VAV3: variants seen among roughly 807,000 people sequenced by gnomAD.
VAV3 encodes guanine nucleotide exchange factor VAV3.
A neutral mutation model predicts 131.2 loss-of-function variants in VAV3; 94 were observed. That is an observed-to-expected ratio of 0.72 (90% confidence interval 0.61 to 0.85). The LOEUF (loss-of-function observed/expected upper bound fraction) is 0.85, where lower values mean the gene tolerates loss of function less well. Ranked by LOEUF, VAV3 falls within the 40% of genes least tolerant of loss-of-function variation. The pLI is 0.00. For synonymous variants in VAV3, 349 were observed against 342.0 expected (o/e 1.02, Z -0.22); for missense variants, 939 against 1,002.7 (o/e 0.94, Z 0.86).
intron 2 of VAV3, among the ~76,000 whole-genome samples, chr1:107,787,217 C>A (rs890395213): frequency 6.6e-6 from 1 of 152,200 alleles, no homozygotes. Context: ...ATTGCTCTTT[C>A]CACTTCACTA....
chr1:107,813,378 A>G (rs17485868), intron 2 of VAV3, among the ~76,000 whole-genome samples: 102,407 of 152,060 alleles, frequency 0.67, 35,000 homozygotes, highest in Non-Finnish European at 0.72. Context: ...CCTCTTAGCA[A>G]CAAAGGGATC....
intron 19 of VAV3, among the ~76,000 whole-genome samples, chr1:107,676,544 G>T (rs560531222): frequency 1.3e-5 from 2 of 152,210 alleles, no homozygotes; most frequent in East Asian, 3.9e-4. Flanking sequence ...GGAGTCCCTG[G>T]ATCCATCTCT....
Position 107,763,000 on chromosome 1 carries a change from T to C in VAV3, c.921+2076A>G, listed in dbSNP as rs143433097. The stretch of plus-strand genomic sequence containing the variant: ...ACCCCATGTTATCTTGGTTCCAAAG[T>C]AGAGAAGAAAAAGACAAAAAACTCA... On this transcript the variant is annotated intron_variant, in intron 9 of 26. Transcript: ENST00000370056. Among the ~76,000 whole-genome samples, 61 of 152,156 alleles carry C rather than the reference T, an allele frequency of 4.0e-4. No homozygotes were observed. In the East Asian group the frequency reaches 0.011, roughly 28 times the overall value.
At chr1:107,722,732 C>T (rs1051757620) in intron 15 of VAV3, among the ~76,000 whole-genome samples, 7 of 151,808 alleles carry the variant, frequency 4.6e-5, no homozygotes, top group Non-Finnish European at 7.4e-5. Flanking sequence ...AGCACCGAGG[C>T]GCTGTTTCAT....
intron 1 of VAV3, among the ~76,000 whole-genome samples, chr1:107,960,536 T>C (rs1675036242): frequency 6.6e-6 from 1 of 151,962 alleles, no homozygotes; most frequent in South Asian, 2.1e-4. Flanking sequence ...TCTGTTGACC[T>C]CTCATTTCAC....
chr1:107,833,657 G>A (rs980825765), intron 2 of VAV3, among the ~76,000 whole-genome samples: 1 of 151,948 alleles, frequency 6.6e-6, no homozygotes, highest in Admixed American at 6.5e-5. Context: ...GATGAGTTCT[G>A]AATATTCAGG....
intron 1 of VAV3, among the ~76,000 whole-genome samples, chr1:107,909,350 T>G (rs1473993844): frequency 6.6e-6 from 1 of 152,156 alleles, no homozygotes; most frequent in Non-Finnish European, 1.5e-5. Flanking sequence ...TAAAAAAATG[T>G]TATATGAGTA....
intron 15 of VAV3, among the ~76,000 whole-genome samples, chr1:107,747,727 T>G (rs1393217611): frequency 1.3e-5 from 2 of 152,196 alleles, no homozygotes; most frequent in African/African-American, 2.4e-5. Flanking sequence ...TGTGAGAGGT[T>G]AAATAACTTA....
At chr1:107,693,581 A>C (rs1294682902) in intron 17 of VAV3, among the ~76,000 whole-genome samples, 2 of 152,194 alleles carry the variant, frequency 1.3e-5, no homozygotes, top group Admixed American at 6.5e-5. Flanking sequence ...ACATCCAAAA[A>C]GGGCTAACTT....
intron 15 of VAV3, among the ~76,000 whole-genome samples, chr1:107,717,687 TGTG>T: frequency 6.6e-6 from 1 of 152,210 alleles, no homozygotes. Context: ...ATAAGTGTGA[TGTG>T]GTGCTGAGAA....
intron 2 of VAV3, among the ~76,000 whole-genome samples, chr1:107,858,501 G>A (rs187152654): frequency 6.6e-6 from 1 of 152,306 alleles, no homozygotes; most frequent in African/African-American, 2.4e-5. Context: ...ACAGCAGGAG[G>A]TGAGCAGTGC....
chr1:107,962,128 AAT>A (rs1414886904), intron 1 of VAV3, among the ~76,000 whole-genome samples: 2 of 152,268 alleles, frequency 1.3e-5, no homozygotes, highest in African/African-American at 4.8e-5. Flanking sequence ...TGCTATAAAA[AAT>A]AGTCTATTTC....
intron 19 of VAV3, among the ~76,000 whole-genome samples, chr1:107,652,663 A>G (rs964990038): frequency 6.6e-6 from 1 of 152,146 alleles, no homozygotes; most frequent in Non-Finnish European, 1.5e-5. Context: ...TATGATAAAC[A>G]TTTATTTTCA....
intron 1 of VAV3, among the ~76,000 whole-genome samples, chr1:107,875,996 T>A (rs1437670001): frequency 6.6e-6 from 1 of 152,080 alleles, no homozygotes; most frequent in African/African-American, 2.4e-5. Flanking sequence ...CTGAAATGAC[T>A]GTGGAATAGA....
intron 24 of VAV3, among the ~76,000 whole-genome samples, chr1:107,599,783 A>C (rs1213145808): frequency 7.3e-6 from 1 of 136,338 alleles, no homozygotes; most frequent in Non-Finnish European, 1.6e-5. Flanking sequence ...TTTAAATTTA[A>C]TTCCAGGCCC....
At chr1:107,789,325 C>A (rs1283778143) in intron 2 of VAV3, among the ~76,000 whole-genome samples, 2 of 152,258 alleles carry the variant, frequency 1.3e-5, no homozygotes, top group South Asian at 2.1e-4. Context: ...GGATGAAATG[C>A]AGAAAGTCTC....
At chr1:107,750,818 T>G (rs1425715464) in intron 13 of VAV3, among the ~76,000 whole-genome samples, 2 of 152,208 alleles carry the variant, frequency 1.3e-5, no homozygotes, top group Admixed American at 1.3e-4. Flanking sequence ...TTCAATTATG[T>G]TTTTATGGTA....
chr1:107,850,693 A>C (rs926936266), intron 2 of VAV3, among the ~76,000 whole-genome samples: 1 of 152,164 alleles, frequency 6.6e-6, no homozygotes. Context: ...CACATTCTGC[A>C]CATGTATCCC....
intron 2 of VAV3, among the ~76,000 whole-genome samples, chr1:107,804,329 T>C (rs1288978210): frequency 6.6e-6 from 1 of 152,154 alleles, no homozygotes; most frequent in African/African-American, 2.4e-5. Context: ...TTTTTTACTG[T>C]CTTCCTTTGT....
Sources: gnomAD v4.1 joint callset for allele counts (sites outside exome capture counted in the v4.1 genomes callset) on GRCh38, gnomAD v4.1.1 for gene constraint, MANE v1.5 for transcripts, NCBI Gene and HGNC (gene_info 2026-07-23, HGNC 2026-07-21) for gene names.